TUBA4A: variants seen among roughly 807,000 people sequenced by gnomAD.
The protein encoded by TUBA4A is tubulin alpha 4a.
Under a neutral mutation model 34.3 loss-of-function variants are expected in TUBA4A, and 23 were observed. The observed-to-expected ratio is 0.67, with a 90% CI of 0.48 to 0.95. The LOEUF is 0.95. Among genes scored for constraint, TUBA4A ranks in the 40% least tolerant of loss-of-function variants. TUBA4A has a pLI of 0.00. For synonymous variants in TUBA4A, 216 were observed against 230.5 expected (o/e 0.94, Z 0.57); for missense variants, 279 against 599.0 (o/e 0.47, Z 5.58).
rs984502573 is a variant in TUBA4A, at chr2:219,251,446, A to G, written c.375+119T>C. ...GGGCAAATACTGAGGATGCCATAGC[A>G]GCACCACACTCGAGACCATGTATAG... On this transcript the variant is annotated intron_variant, in intron 3 of 3. Transcript: ENST00000248437. The surrounding 1 kb of genome is among the most constrained non-coding windows in gnomAD (Gnocchi z 6.1). 1.5e-5 allele frequency: 23 copies of G among 1,535,420 alleles called. No homozygotes were observed. The highest frequency in any genetic ancestry group is 1.8e-4 in the Middle Eastern group (1 of 5,692).
At chr2:219,253,401 A>G in intron 1 of TUBA4A, 8 of 1,532,816 alleles carry the variant, frequency 5.2e-6, no homozygotes, top group Non-Finnish European at 7.0e-6. Flanking sequence ...ACACAGAGGA[A>G]AGGGGGATGC....
chr2:219,251,638 T>A lies in TUBA4A; in HGVS notation c.302A>T (p.Asn101Ile). ...QLITGKEDAA[N>I]NYARGHYTIG... is the part of the protein sequence containing the mutation. ...GGTATAGTGACCACGGGCATAGTTG[T>A]TGGCAGCATCCTCTTTCCCAGTGAT... is the stretch of plus-strand genomic sequence containing the variant. The change falls in exon 3 of 4, where the codon AAC becomes ATC. Residue 101 changes from asparagine to isoleucine, a missense_variant. Transcript: ENST00000248437. The surrounding 1 kb of genome is among the most constrained non-coding windows in gnomAD (Gnocchi z 6.1). 6.2e-7 allele frequency: 1 copy of A among 1,614,178 alleles called. No individual in the cohort carries two copies.
In TUBA4A at chr2:219,252,510, T is replaced by A. The variant is rs767125320; in HGVS notation, c.4-280A>T. ...CACTGTGGCTCCACATGACAAAAGGTTTCCTAGAGGTATGGGTTTACAGCT... is the reference window on the plus strand; with the variant it reads ...CACTGTGGCTCCACATGACAAAAGGATTCCTAGAGGTATGGGTTTACAGCT... On this transcript the variant is annotated intron_variant, in intron 1 of 3. Transcript: ENST00000248437. The surrounding 1 kb of genome is among the most constrained non-coding windows in gnomAD (Gnocchi z 4.1). Among the ~76,000 whole-genome samples, 1 of 151,832 alleles carries A rather than the reference T, an allele frequency of 6.6e-6. No individual in the cohort carries two copies. Among genetic ancestry groups the A allele is most frequent in the Non-Finnish European group, 1.5e-5 (1 of 67,968 alleles).
upstream of TUBA4A, chr2:219,254,510 G>C (rs1951700085): frequency 6.6e-6 from 1 of 152,276 alleles, no homozygotes; most frequent in Admixed American, 6.5e-5. Flanking sequence ...AATGCCTTAG[G>C]CGCTCCCGCA....
intron 1 of TUBA4A, chr2:219,253,165 AT>A (rs755177589): frequency 6.6e-7 from 1 of 1,518,932 alleles, no homozygotes. Flanking sequence ...CTCCTGGGCT[AT>A]AAATACCACC....
At chr2:219,253,807 G>C in intron 1 of TUBA4A, 49 bp downstream of exon 1, 1 of 1,538,516 alleles carries the variant, frequency 6.5e-7, no homozygotes, top group Non-Finnish European at 8.8e-7. Flanking sequence ...TCCCCCAAAG[G>C]AGAGGGGCAA....
At position 219,250,294 on chromosome 2, in the gene TUBA4A, CTG is replaced by C. The variant is rs1355245970; in HGVS notation, c.*56_*57del. On this transcript the variant is annotated 3_prime_UTR_variant, in exon 4 of 4. Coordinates refer to ENST00000248437, the MANE Select transcript of TUBA4A (RefSeq NM_006000.3). The surrounding 1 kb of genome is among the most constrained non-coding windows in gnomAD (Gnocchi z 8.4). The stretch of plus-strand genomic sequence containing the variant: ...GGGAACAAGAAACCGTGCAAGGAAA[CTG>C]TTTATTTCGAAAGGATTTTGCAATA... 3 of 1,546,742 alleles carry C rather than the reference CTG, an allele frequency of 1.9e-6. No homozygotes were observed. The highest frequency in any genetic ancestry group is 2.6e-6 in the Non-Finnish European group (3 of 1,146,622).
At position 219,252,286 on chromosome 2, in the gene TUBA4A, T is replaced by A. The variant is rs562757141; in HGVS notation, c.4-56A>T. ...AGCCCCACATCCACAAGTCCTCACC[T>A]TGCGAGTCTCTCTTCCACCCTATCA... On this transcript the variant is annotated intron_variant, in intron 1 of 3. Coordinates refer to ENST00000248437, the MANE Select transcript of TUBA4A (RefSeq NM_006000.3). The surrounding 1 kb of genome is among the most constrained non-coding windows in gnomAD (Gnocchi z 4.1). The A allele has an allele frequency of 6.6e-4, 998 of 1,507,436 alleles. No homozygotes were observed. The highest frequency in any genetic ancestry group is 9.9e-4 in the Admixed American group (57 of 57,304). The allele number at this position is 1,507,436 out of a possible 1,614,324, so 93.4% of individuals were successfully genotyped here.
upstream of TUBA4A, chr2:219,254,039 C>T (rs977965430): frequency 7.1e-5 from 39 of 549,632 alleles, no homozygotes; most frequent in Admixed American, 1.2e-4. Flanking sequence ...AAGCGGCCCC[C>T]CCGAGGGGCG....
At position 219,252,607 on chromosome 2, in the gene TUBA4A, C is replaced by T. The variant is rs1264546730; in HGVS notation, c.4-377G>A. On this transcript the variant is annotated intron_variant, in intron 1 of 3. Coordinates refer to ENST00000248437, the MANE Select transcript of TUBA4A (RefSeq NM_006000.3). The surrounding 1 kb of genome is among the most constrained non-coding windows in gnomAD (Gnocchi z 4.1). ...AGCTAGAATTCATAGAACCCTTTCC[C>T]TCTTTCTTTCCTGTAAGCTGCAGAG... 2.0e-5 allele frequency among the ~76,000 whole-genome samples: 3 copies of T among 151,578 alleles called. No homozygotes were observed. The highest frequency in any genetic ancestry group is 4.4e-5 in the Non-Finnish European group (3 of 67,936).
rs1006116968 is a variant in TUBA4A, at chr2:219,250,269, G to A, written c.*83C>T. ...GGCAGCAGAAGCTCAAGCACTCAGA[G>A]GGAACAAGAAACCGTGCAAGGAAAC... is the stretch of plus-strand genomic sequence containing the variant. On this transcript the variant is annotated 3_prime_UTR_variant, in exon 4 of 4. Transcript: ENST00000248437. This position sits in a 1 kb window ranked among gnomAD's most constrained non-coding sequence, Gnocchi z 8.4. The A allele has an allele frequency of 1.3e-6, 2 of 1,531,544 alleles. No homozygotes were observed. Among genetic ancestry groups the A allele is most frequent in the Admixed American group, 2.1e-5 (1 of 48,658 alleles). 94.9% of individuals were successfully genotyped at this position (1,531,544 alleles called of 1,614,324 possible).
In TUBA4A at chr2:219,251,897, C is replaced by T. The variant is rs1951654242; in HGVS notation, c.226+111G>A. 19 of 1,375,884 alleles carry T rather than the reference C, an allele frequency of 1.4e-5. No individual in the cohort carries two copies. The highest frequency in any genetic ancestry group is 1.8e-4 in the Middle Eastern group (1 of 5,494). The allele number at this position is 1,375,884 out of a possible 1,614,324, so 85.2% of individuals were successfully genotyped here. A position where few individuals can be genotyped will look rare whatever the true frequency, so the allele number is the denominator to read the frequency against. On this transcript the variant is annotated intron_variant, in intron 2 of 3. Transcript: ENST00000248437. The surrounding 1 kb of genome is among the most constrained non-coding windows in gnomAD (Gnocchi z 6.1). ...AGCTTGCCTTCTGCAGCTTCAAGTA[C>T]GGCTAGGAATTTTCAGGGCTAGGAA... is the stretch of plus-strand genomic sequence containing the variant.
At chr2:219,253,388 C>T in intron 1 of TUBA4A, 2 of 1,534,920 alleles carry the variant, frequency 1.3e-6, no homozygotes, top group Non-Finnish European at 1.7e-6. Flanking sequence ...AGTTGGAATG[C>T]ATACACAGAG....
In TUBA4A at chr2:219,253,338, G is replaced by C. The variant is rs572110487; in HGVS notation, c.3+518C>G. The stretch of plus-strand genomic sequence containing the variant: ...TCCCACCAACCCTCTCAGCTCAGAC[G>C]CGGGGTGCTGAGTCACGGGGGGGGG... On this transcript the variant is annotated intron_variant, in intron 1 of 3. Transcript: ENST00000248437. 3.3e-5 allele frequency: 50 copies of C among 1,531,882 alleles called. No homozygotes were observed. In the South Asian group the frequency reaches 5.5e-4, roughly 17 times the overall value. 94.9% of individuals were successfully genotyped at this position (1,531,882 alleles called of 1,614,324 possible). A position where few individuals can be genotyped will look rare whatever the true frequency, so the allele number is the denominator to read the frequency against.
rs1037710722 is a variant in TUBA4A, at chr2:219,251,461, A to C, written c.375+104T>G. 4.9e-5 allele frequency: 75 copies of C among 1,542,474 alleles called. No individual in the cohort carries two copies. The African/African-American group carries it at 6.7e-4, about 14-fold the overall frequency. On this transcript the variant is annotated intron_variant, in intron 3 of 3. Transcript: ENST00000248437. The surrounding 1 kb of genome is among the most constrained non-coding windows in gnomAD (Gnocchi z 6.1). ...ATGCCATAGCAGCACCACACTCGAG[A>C]CCATGTATAGTTAGAGATGACCTCC...
upstream of TUBA4A, chr2:219,254,431 G>A (rs895246864): frequency 3.3e-5 from 5 of 152,500 alleles, no homozygotes; most frequent in African/African-American, 1.2e-4. Flanking sequence ...CGGCCGGGGC[G>A]GCAGCCTTTC....
In TUBA4A at chr2:219,251,517, C is replaced by T. The variant is rs374680586; in HGVS notation, c.375+48G>A. 3 of 1,597,984 alleles carry T rather than the reference C, an allele frequency of 1.9e-6. No homozygotes were observed. Among genetic ancestry groups the T allele is most frequent in the East Asian group, 4.5e-5 (2 of 44,618 alleles). Reference sequence around the variant, plus strand: ...GGATCTGAAAAAAAATATTCCTGACCATTAGCACAGTCTCAAAAGTTCCCT... The same window carrying T: ...GGATCTGAAAAAAAATATTCCTGACTATTAGCACAGTCTCAAAAGTTCCCT... On this transcript the variant is annotated intron_variant, in intron 3 of 3. Coordinates refer to ENST00000248437, the MANE Select transcript of TUBA4A (RefSeq NM_006000.3). This position sits in a 1 kb window ranked among gnomAD's most constrained non-coding sequence, Gnocchi z 6.1.
rs757373635 is a variant in TUBA4A at position 219,251,158 on chromosome 2, C to T, written c.541G>A (p.Val181Met). Residue 181 changes from valine to methionine, a missense_variant, in exon 4 of 4, where the codon GTG (valine) becomes ATG (methionine). This residue lies in a region of TUBA4A where 108 missense variants were observed against 299.9 expected (regional missense o/e 0.36). Coordinates refer to ENST00000248437, the MANE Select transcript of TUBA4A (RefSeq NM_006000.3). This position sits in a 1 kb window ranked among gnomAD's most constrained non-coding sequence, Gnocchi z 6.1. ...AGGATAGAGTTGTAGGGCTCGACCA[C>T]GGCTGTAGACACCTGGGGGGCTGGG... is the stretch of plus-strand genomic sequence containing the variant. ...IYPAPQVSTA[V>M]VEPYNSILTT... The T allele has an allele frequency of 8.6e-5, 139 of 1,613,962 alleles. No individual in the cohort carries two copies. The highest frequency in any genetic ancestry group is 6.7e-5 in the Admixed American group (4 of 59,996).
rs923373643 is a variant in TUBA4A at position 219,252,648 on chromosome 2, A to C, written c.4-418T>G. On this transcript the variant is annotated intron_variant, in intron 1 of 3. Coordinates refer to ENST00000248437, the MANE Select transcript of TUBA4A (RefSeq NM_006000.3). This position sits in a 1 kb window ranked among gnomAD's most constrained non-coding sequence, Gnocchi z 4.1. ...AGCTGCAGAGGTGTCTCAGCCATCC[A>C]ATCTGGCATCAACTGACCACACGCC... The C allele has an allele frequency of 9.9e-6, 4 of 404,766 alleles. No individual in the cohort carries two copies. Among genetic ancestry groups the C allele is most frequent in the African/African-American group, 6.2e-5 (3 of 48,198 alleles). 25.1% of individuals were successfully genotyped at this position (404,766 alleles called of 1,614,324 possible).
Sources: gnomAD v4.1 joint callset for allele counts (sites outside exome capture counted in the v4.1 genomes callset) on GRCh38, gnomAD v4.1.1 for gene constraint, gnomAD v4.1.1 regional missense constraint, Gnocchi (gnomAD v3.1) non-coding constraint, MANE v1.5 for transcripts, NCBI Gene and HGNC (gene_info 2026-07-23, HGNC 2026-07-21) for gene names.